PIP4K2A: variants seen among roughly 807,000 people sequenced by gnomAD.
PIP4K2A encodes phosphatidylinositol 5-phosphate 4-kinase type-2 alpha.
Under a neutral mutation model 42.9 loss-of-function variants are expected in PIP4K2A, and 14 were observed. That is an observed-to-expected ratio of 0.33 (90% CI 0.22 to 0.51). The LOEUF is 0.51. PIP4K2A is among the 20% of genes least tolerant of loss of function. The pLI is 0.97. For missense variants in PIP4K2A, 434 were observed against 519.8 expected (o/e 0.83, Z 1.61); for synonymous variants, 192 against 192.2 (o/e 1.00, Z 0.01).
chr10:22,670,846 T>A (rs962108010), intron 1 of PIP4K2A, among the ~76,000 whole-genome samples: 18 of 152,164 alleles, frequency 1.2e-4, no homozygotes, highest in Admixed American at 1.3e-4. Context: ...TAGCTTTTTT[T>A]AAAAAACGGC....
At chr10:22,633,754 C>G (rs1838603684) in intron 1 of PIP4K2A, among the ~76,000 whole-genome samples, 1 of 152,200 alleles carries the variant, frequency 6.6e-6, no homozygotes, top group South Asian at 2.1e-4. Context: ...ACAATAAATG[C>G]TAAACACTCG....
At chr10:22,676,004 C>A (rs1436315606) in intron 1 of PIP4K2A, among the ~76,000 whole-genome samples, 2 of 152,230 alleles carry the variant, frequency 1.3e-5, no homozygotes, top group Non-Finnish European at 2.9e-5. Context: ...GTTGCCATTT[C>A]TTTGTCCCTG....
intron 6 of PIP4K2A, among the ~76,000 whole-genome samples, chr10:22,558,964 A>G (rs7081744): frequency 0.54 from 81,775 of 151,988 alleles, 23,944 homozygotes; most frequent in South Asian, 0.77. Flanking sequence ...TGACAACTCT[A>G]TGTGGTAATG....
intron 3 of PIP4K2A, among the ~76,000 whole-genome samples, chr10:22,593,808 G>A (rs1467439132): frequency 3.9e-5 from 6 of 152,194 alleles, no homozygotes; most frequent in Non-Finnish European, 8.8e-5. Flanking sequence ...AGACCAAGTG[G>A]AACAGACCTT....
rs115577682 is a variant in PIP4K2A at position 22,579,689 on chromosome 10, T to G, written c.493-6232A>C. ...GGGAGGCAGGGGAGGGTGGATTACT[T>G]GAAGTCAGGAGGAGATTGAGACCGG... On this transcript the variant is annotated intron_variant, in intron 4 of 9. Coordinates refer to ENST00000376573, the MANE Select transcript of PIP4K2A (RefSeq NM_005028.5). Among the ~76,000 whole-genome samples the G allele has an allele frequency of 1.8e-3, 272 of 152,116 alleles. 1 individual carries two copies. Among genetic ancestry groups the G allele is most frequent in the African/African-American group, 6.5e-3 (268 of 41,470 alleles).
rs577226576 is a variant in PIP4K2A, at chr10:22,570,590, G to C, written c.640-2701C>G. Among the ~76,000 whole-genome samples the C allele has an allele frequency of 5.9e-5, 9 of 152,322 alleles. 1 individual carries two copies. The South Asian group carries it at 1.9e-3, about 32-fold the overall frequency. On this transcript the variant is annotated intron_variant, in intron 5 of 9. Coordinates refer to ENST00000376573, the MANE Select transcript of PIP4K2A (RefSeq NM_005028.5). ...CAGTGTGTGGGGACTTCAGAGGTTAGGAGACAAGCCCAGACCATTTCCTTC... is the reference window on the plus strand; with the variant it reads ...CAGTGTGTGGGGACTTCAGAGGTTACGAGACAAGCCCAGACCATTTCCTTC...
At chr10:22,696,001 T>C (rs1458297154) in intron 1 of PIP4K2A, among the ~76,000 whole-genome samples, 1 of 152,138 alleles carries the variant, frequency 6.6e-6, no homozygotes, top group South Asian at 2.1e-4. Context: ...GAAGACTGCA[T>C]GCGCAATATT....
chr10:22,606,527 A>G (rs577589128), intron 3 of PIP4K2A, among the ~76,000 whole-genome samples: 1 of 152,252 alleles, frequency 6.6e-6, no homozygotes, highest in African/African-American at 2.4e-5. Context: ...TTCTCCAAAC[A>G]TGGCAGCCTC....
At chr10:22,689,469 C>T (rs546276329) in intron 1 of PIP4K2A, among the ~76,000 whole-genome samples, 1 of 152,194 alleles carries the variant, frequency 6.6e-6, no homozygotes, top group South Asian at 2.1e-4. Context: ...GCCATTATTC[C>T]CTAAACAACA....
intron 1 of PIP4K2A, among the ~76,000 whole-genome samples, chr10:22,708,394 T>C (rs1354821023): frequency 6.6e-6 from 1 of 151,994 alleles, no homozygotes; most frequent in Non-Finnish European, 1.5e-5. Context: ...TTACCGATTC[T>C]GTACGGGCAG....
intron 4 of PIP4K2A, among the ~76,000 whole-genome samples, chr10:22,591,027 A>G (rs1295086862): frequency 6.6e-6 from 1 of 152,216 alleles, no homozygotes; most frequent in African/African-American, 2.4e-5. Context: ...GCTCTACCAG[A>G]GAAGCTTGTG....
At position 22,708,679 on chromosome 10, in the gene PIP4K2A, T is replaced by G. The variant is rs116466678; in HGVS notation, c.144+5504A>C. Among the ~76,000 whole-genome samples, 624 of 152,322 alleles carry G rather than the reference T, an allele frequency of 4.1e-3. 3 individuals are homozygous for G. The highest frequency in any genetic ancestry group is 0.015 in the African/African-American group (605 of 41,564). On this transcript the variant is annotated intron_variant, in intron 1 of 9. Transcript: ENST00000376573. ...GGTAAAGTTCTTCCTTCTACTGCTA[T>G]GTAGCCTGTGGACCTGCAGCATCAG...
chr10:22,615,505 G>C (rs767673769), intron 1 of PIP4K2A, among the ~76,000 whole-genome samples: 12 of 152,176 alleles, frequency 7.9e-5, no homozygotes, highest in Non-Finnish European at 1.6e-4. Context: ...GAAACAGAAA[G>C]ATTTGTGTTA....
At chr10:22,576,979 G>C (rs1276645856) in intron 4 of PIP4K2A, among the ~76,000 whole-genome samples, 1 of 151,406 alleles carries the variant, frequency 6.6e-6, no homozygotes, top group Non-Finnish European at 1.5e-5. Flanking sequence ...GAGGCTGGGT[G>C]AGGCAGGAGA....
At chr10:22,607,857 C>T (rs2130702857) in intron 3 of PIP4K2A, 70 bp downstream of exon 3, 1 of 893,382 alleles carries the variant, frequency 1.1e-6, no homozygotes, top group Non-Finnish European at 1.9e-6. Flanking sequence ...ATACAGATCC[C>T]AATTGACACA....
At chr10:22,619,118 A>C (rs1838253374) in intron 1 of PIP4K2A, among the ~76,000 whole-genome samples, 1 of 152,218 alleles carries the variant, frequency 6.6e-6, no homozygotes, top group Admixed American at 6.5e-5. Flanking sequence ...CTCATTTGGA[A>C]ATAATTTTTA....
At chr10:22,643,787 G>C (rs1838827747) in intron 1 of PIP4K2A, among the ~76,000 whole-genome samples, 5 of 152,084 alleles carry the variant, frequency 3.3e-5, no homozygotes, top group Admixed American at 2.0e-4. Flanking sequence ...GGTGCCTTGT[G>C]CTCCTCCTGA....
chr10:22,713,887 G>C (rs1239481459), intron 1 of PIP4K2A: 2 of 224,398 alleles, frequency 8.9e-6, no homozygotes, highest in Non-Finnish European at 1.8e-5. Context: ...CCGACCTGCG[G>C]GCGGGCGGGC....
intron 1 of PIP4K2A, among the ~76,000 whole-genome samples, chr10:22,692,732 A>G (rs941342666): frequency 6.6e-6 from 1 of 152,122 alleles, no homozygotes; most frequent in Non-Finnish European, 1.5e-5. Flanking sequence ...TTCATACAAG[A>G]CCACAAGTGA....
Sources: allele counts gnomAD v4.1 joint callset (sites outside exome capture counted in the v4.1 genomes callset), GRCh38; gene constraint gnomAD v4.1.1; transcripts MANE v1.5; gene names NCBI Gene and HGNC (gene_info 2026-07-23, HGNC 2026-07-21).